TGFBR3: variants seen among roughly 807,000 people sequenced by gnomAD.
TGFBR3 encodes the protein transforming growth factor beta receptor 3.
A neutral mutation model predicts 87.9 loss-of-function variants in TGFBR3; 46 were observed. The ratio of observed to expected loss-of-function variants is 0.52; its 90% confidence interval spans 0.41 to 0.67. TGFBR3 has a LOEUF of 0.67. Among genes scored for constraint, TGFBR3 ranks in the 30% least tolerant of loss-of-function variants. TGFBR3 has a pLI of 0.00. For missense variants in TGFBR3, 866 were observed against 1,041.9 expected (o/e 0.83, Z 2.32); for synonymous variants, 381 against 391.6 (o/e 0.97, Z 0.32).
At chr1:91,811,619 G>A (rs1676033678) in intron 2 of TGFBR3, among the ~76,000 whole-genome samples, 1 of 152,110 alleles carries the variant, frequency 6.6e-6, no homozygotes, top group South Asian at 2.1e-4. Context: ...AGAGATATCA[G>A]TTCAATAAAA....
At chr1:91,898,067 C>T (rs997989347) in intron 2 of TGFBR3, among the ~76,000 whole-genome samples, 10 of 150,810 alleles carry the variant, frequency 6.6e-5, no homozygotes, top group African/African-American at 2.4e-4. Context: ...AGAAATAAAA[C>T]ATTACATTAG....
intron 3 of TGFBR3, among the ~76,000 whole-genome samples, chr1:91,781,957 G>C (rs141936803): frequency 4.0e-4 from 61 of 152,216 alleles, no homozygotes; most frequent in African/African-American, 1.4e-3. Context: ...GAACACAAAA[G>C]ATTCTTTTAG....
intron 4 of TGFBR3, among the ~76,000 whole-genome samples, chr1:91,741,844 G>A (rs986865572): frequency 2.6e-5 from 4 of 152,004 alleles, no homozygotes; most frequent in Admixed American, 6.6e-5. Flanking sequence ...CCTCCCAGCC[G>A]CTATTCCTGT....
At chr1:91,831,516 A>G (rs2101087400) in intron 2 of TGFBR3, among the ~76,000 whole-genome samples, 1 of 152,358 alleles carries the variant, frequency 6.6e-6, no homozygotes, top group African/African-American at 2.4e-5. Flanking sequence ...GGAAAGGAAA[A>G]TGGAAATGAA....
chr1:91,785,266 C>A (rs773564019), intron 3 of TGFBR3, among the ~76,000 whole-genome samples: 5 of 152,186 alleles, frequency 3.3e-5, no homozygotes, highest in Non-Finnish European at 7.3e-5. Flanking sequence ...TATGAATGTG[C>A]AGAACAGATA....
chr1:91,757,808 G>T (rs1053921357), intron 4 of TGFBR3, among the ~76,000 whole-genome samples: 13 of 152,220 alleles, frequency 8.5e-5, no homozygotes, highest in Non-Finnish European at 1.8e-4. Context: ...GTTTATTCAT[G>T]AGGCAAGAGG....
chr1:91,874,064 A>G (rs780740373), intron 1 of TGFBR3, among the ~76,000 whole-genome samples: 21 of 152,346 alleles, frequency 1.4e-4, no homozygotes, highest in Admixed American at 2.6e-4. Context: ...AGAACAAAAC[A>G]TAAAAATCCC....
intron 2 of TGFBR3, among the ~76,000 whole-genome samples, chr1:91,857,554 T>G (rs1678006624): frequency 6.6e-6 from 1 of 152,174 alleles, no homozygotes; most frequent in South Asian, 2.1e-4. Flanking sequence ...TCTGAGGTCT[T>G]TGGGTTTTAC....
chr1:91,796,541 G>A (rs1191720088), intron 3 of TGFBR3, among the ~76,000 whole-genome samples: 2 of 152,124 alleles, frequency 1.3e-5, no homozygotes, highest in Middle Eastern at 3.2e-3. Flanking sequence ...ACAAAGTACC[G>A]CCATCTTTAT....
At position 91,767,726 on chromosome 1, in the gene TGFBR3, G is replaced by C. The variant is rs916613309; in HGVS notation, c.247-8976C>G. Among the ~76,000 whole-genome samples, 23 of 75,438 alleles carry C rather than the reference G, an allele frequency of 3.0e-4. 3 individuals are homozygous for C. The highest frequency in any genetic ancestry group is 1.2e-4 in the Non-Finnish European group (4 of 33,112). 49.5% of individuals were successfully genotyped at this position (75,438 alleles called of 152,430 possible). On this transcript the variant is annotated intron_variant, in intron 3 of 16. Coordinates refer to ENST00000212355, the MANE Select transcript of TGFBR3 (RefSeq NM_003243.5). Reference sequence around the variant, plus strand: ...TCTTTAATCTTGGGTGTTAGTCTTGGGACATAGAGGAGAATGGGAAGCTGC... The same window carrying C: ...TCTTTAATCTTGGGTGTTAGTCTTGCGACATAGAGGAGAATGGGAAGCTGC...
At position 91,814,665 on chromosome 1, in the gene TGFBR3, G is replaced by A. The variant is rs570108276; in HGVS notation, c.62-17194C>T. Among the ~76,000 whole-genome samples, 7 of 152,086 alleles carry A rather than the reference G, an allele frequency of 4.6e-5. 1 individual carries two copies. The South Asian group carries it at 6.2e-4, about 14-fold the overall frequency. ...CTTAATAAACCCCTTCAAACAGGCC[G>A]ACACCTACTTCTTCTACTATTGTAT... On this transcript the variant is annotated intron_variant, in intron 2 of 16. Coordinates refer to ENST00000212355, the MANE Select transcript of TGFBR3 (RefSeq NM_003243.5).
intron 2 of TGFBR3, among the ~76,000 whole-genome samples, chr1:91,838,803 A>G (rs568865978): frequency 1.4e-4 from 22 of 152,228 alleles, no homozygotes; most frequent in East Asian, 5.8e-4. Flanking sequence ...TCAAAGACAC[A>G]TGCACAGCAA....
chr1:91,877,090 C>A (rs560951338), intron 1 of TGFBR3, among the ~76,000 whole-genome samples: 1 of 152,098 alleles, frequency 6.6e-6, no homozygotes, highest in Non-Finnish European at 1.5e-5. Context: ...TACCTATCTA[C>A]CTACTTGAAA....
At chr1:91,786,436 T>C (rs566273574) in intron 3 of TGFBR3, among the ~76,000 whole-genome samples, 25 of 152,184 alleles carry the variant, frequency 1.6e-4, no homozygotes, top group African/African-American at 5.8e-4. Context: ...AATGTGGTGA[T>C]TGGCCAAATA....
At chr1:91,722,843 CT>C (rs1331457705) in intron 7 of TGFBR3, among the ~76,000 whole-genome samples, 14 of 152,154 alleles carry the variant, frequency 9.2e-5, no homozygotes, top group African/African-American at 1.4e-4. Flanking sequence ...ATTTGTGCAT[CT>C]AAACATAGAA....
intron 2 of TGFBR3, among the ~76,000 whole-genome samples, chr1:91,816,799 A>G (rs1215038789): frequency 1.3e-5 from 2 of 152,200 alleles, no homozygotes; most frequent in East Asian, 3.8e-4. Flanking sequence ...ACATTCTTTC[A>G]TATCCCTTTA....
At chr1:91,832,125 G>T (rs1465702146) in intron 2 of TGFBR3, among the ~76,000 whole-genome samples, 1 of 152,104 alleles carries the variant, frequency 6.6e-6, no homozygotes, top group Non-Finnish European at 1.5e-5. Context: ...GTAAAGCTTA[G>T]ATAATTCAAA....
chr1:91,852,649 C>T (rs936872163), intron 2 of TGFBR3, among the ~76,000 whole-genome samples: 1 of 152,142 alleles, frequency 6.6e-6, no homozygotes, highest in African/African-American at 2.4e-5. Context: ...TCACCGCAAC[C>T]TCCGCCTCCC....
At chr1:91,811,050 C>G (rs905064705) in intron 2 of TGFBR3, among the ~76,000 whole-genome samples, 1 of 152,222 alleles carries the variant, frequency 6.6e-6, no homozygotes, top group African/African-American at 2.4e-5. Flanking sequence ...GTGGCTCACA[C>G]CTGTAATCCC....
Sources: allele counts gnomAD v4.1 joint callset (sites outside exome capture counted in the v4.1 genomes callset), GRCh38; gene constraint gnomAD v4.1.1; transcripts MANE v1.5; gene names NCBI Gene and HGNC (gene_info 2026-07-23, HGNC 2026-07-21).